The following NRK variants were observed in gnomAD, a reference collection of about 807,000 sequenced individuals.
NRK encodes the protein nik-related protein kinase.
A neutral mutation model predicts 125.2 loss-of-function variants in NRK; 67 were observed. The ratio of observed to expected loss-of-function variants is 0.54; its 90% confidence interval spans 0.44 to 0.66. NRK has a LOEUF of 0.66. Ranked by LOEUF, NRK falls within the 30% of genes least tolerant of loss-of-function variation. NRK has a pLI of 0.00. For synonymous variants in NRK, 458 were observed against 429.0 expected, an observed-to-expected ratio of 1.07 and a Z score of -0.84; for missense variants, 1,224 against 1,192.9, an observed-to-expected ratio of 1.03 and a Z score of -0.38.
Position 105,909,046 on chromosome X carries a change from C to G in NRK, c.1405C>G (p.Pro469Ala), listed in dbSNP as rs765291622. The G allele has an allele frequency of 5.8e-6, 7 of 1,209,229 alleles. No homozygotes were observed. The highest frequency in any genetic ancestry group is 7.8e-6 in the Non-Finnish European group (7 of 894,825). ...TCTACAAATGCAGATTAAGGCACCTCCACGACTACGGAGGGCAGCCAGGGT... is the reference window on the plus strand; with the variant it reads ...TCTACAAATGCAGATTAAGGCACCTGCACGACTACGGAGGGCAGCCAGGGT... ...KPLQMQIKAP[P>A]RLRRAARVLM... Residue 469 changes from proline to alanine, a missense_variant, in exon 13 of 29, where the codon CCA becomes GCA. Coordinates refer to ENST00000243300, the MANE Select transcript of NRK (RefSeq NM_198465.4).
In NRK at chrX:105,888,439, G is replaced by T. The variant is rs962758453; in HGVS notation, c.378+20G>T. The T allele has an allele frequency of 1.7e-6, 2 of 1,145,086 alleles. No individual in the cohort carries two copies. The highest frequency in any genetic ancestry group is 2.3e-6 in the Non-Finnish European group (2 of 855,309). 94.4% of individuals were successfully genotyped at this position (1,145,086 alleles called of 1,213,427 possible). The stretch of plus-strand genomic sequence containing the variant: ...CTTTGGGTATGTTTTTAATTACACT[G>T]TTCTTATTCTATAAGAATAAGTTTT... On this transcript the variant is annotated intron_variant, in intron 5 of 28. Coordinates refer to ENST00000243300, the MANE Select transcript of NRK (RefSeq NM_198465.4).
At position 105,957,994 on chromosome X, in the gene NRK, A is replaced by AG. The variant is rs1228716646; in HGVS notation, c.*2400dup. On this transcript the variant is annotated 3_prime_UTR_variant, in exon 29 of 29. Transcript: ENST00000243300. ...GCCCCAGCCCGTCACAGAAGTGTGG[A>AG]GGGGGGCTCCTGACTAGACAATTTC... 8.9e-6 allele frequency: 1 copy of AG among 112,218 alleles called. No individual in the cohort carries two copies. The highest frequency in any genetic ancestry group is 1.9e-5 in the Non-Finnish European group (1 of 53,270). The allele number at this position is 112,218 out of a possible 1,213,427, so 9.2% of individuals were successfully genotyped here. A position where few individuals can be genotyped will look rare whatever the true frequency, so the allele number is the denominator to read the frequency against.
In NRK at chrX:105,924,792, A is replaced by C. The variant is rs753915179; in HGVS notation, c.3073A>C (p.Asn1025His). 1 of 1,209,920 alleles carries C rather than the reference A, an allele frequency of 8.3e-7. No individual in the cohort carries two copies. The highest frequency in any genetic ancestry group is 3.0e-5 in the East Asian group (1 of 33,745). The part of the protein sequence containing the change: ...AYRGYGSHTA[N>H]RSHGGSAASE... ...CAGAGGCTATGGAAGCCATACAGCC[A>C]ATAGAAGCCATGGAGGAAGTGCAGC... The change falls in exon 19 of 29, where the codon AAT becomes CAT. Residue 1025 changes from asparagine to histidine, a missense_variant. By Grantham distance (68) the Asn-to-His change is moderately conservative. Transcript: ENST00000243300.
At chrX:105,856,836 A>C (rs1025875056) in intron 2 of NRK, among the ~76,000 whole-genome samples, 2 of 111,490 alleles carry the variant, frequency 1.8e-5, no homozygotes, top group Admixed American at 1.9e-4. Context: ...AAAACATGGG[A>C]TCTGGGGTCA....
In NRK at chrX:105,898,609, G is replaced by A. The variant is rs1210470102; in HGVS notation, c.606G>A (p.Val202=). 1.7e-6 allele frequency: 2 copies of A among 1,198,233 alleles called. No individual in the cohort carries two copies. The highest frequency in any genetic ancestry group is 2.3e-6 in the Non-Finnish European group (2 of 887,790). Residue 202 remains valine (V), a synonymous_variant, in exon 8 of 29, where the codon GTG becomes GTA. Transcript: ENST00000243300. The stretch of plus-strand genomic sequence containing the variant: ...TTGATTTTGGAGTGAGTGCCCAGGT[G>A]AGCAGAACTAATGGAAGAAGGAATA... ...KLVDFGVSAQ[V]SRTNGRRNSF... is the part of the protein sequence containing the mutation.
chrX:105,899,114 A>G (rs990324955), intron 8 of NRK, among the ~76,000 whole-genome samples: 2 of 112,242 alleles, frequency 1.8e-5, no homozygotes, highest in Non-Finnish European at 3.8e-5. Context: ...AGCTCCAGAA[A>G]AGACAAAAAA....
intron 2 of NRK, among the ~76,000 whole-genome samples, chrX:105,834,350 T>TA (rs1180915773): frequency 1.8e-5 from 2 of 111,655 alleles, no homozygotes; most frequent in Non-Finnish European, 3.8e-5. Context: ...CTGTAATTCT[T>TA]ACCTTTGCTC....
At chrX:105,922,419 A>G (rs545666391) in intron 17 of NRK, among the ~76,000 whole-genome samples, 1 of 112,058 alleles carries the variant, frequency 8.9e-6, no homozygotes, top group South Asian at 3.7e-4. Flanking sequence ...GAGGCAATGC[A>G]TAAATATAAA....
At position 105,909,875 on chromosome X, in the gene NRK, T is replaced by C. The variant is rs2040276030; in HGVS notation, c.2234T>C (p.Val745Ala). The C allele has an allele frequency of 8.9e-7, 1 of 1,124,815 alleles. No individual in the cohort carries two copies. Among genetic ancestry groups the C allele is most frequent in the Non-Finnish European group, 1.2e-6 (1 of 849,880 alleles). 92.7% of individuals were successfully genotyped at this position (1,124,815 alleles called of 1,213,427 possible). ...FNQHEEELRQ[V>A]DKDKEDESSD... ...CAGCATGAGGAAGAATTGAGACAAG[T>C]TGATAAAGTAAGAATTTTTGATATT... Residue 745 changes from valine to alanine, a missense_variant, in exon 13 of 29, where the codon GTT becomes GCT. Val to Ala is a moderately conservative substitution (Grantham distance 64). Transcript: ENST00000243300.
chrX:105,904,701 T>C (rs1450886004), intron 9 of NRK, among the ~76,000 whole-genome samples: 1 of 111,562 alleles, frequency 9.0e-6, no homozygotes, highest in Non-Finnish European at 1.9e-5. Flanking sequence ...ATTTGCCCAG[T>C]CACAAAGGTA....
intron 19 of NRK, among the ~76,000 whole-genome samples, chrX:105,925,429 T>A (rs960277006): frequency 4.5e-5 from 5 of 111,598 alleles, no homozygotes; most frequent in Non-Finnish European, 9.4e-5. Flanking sequence ...CCTCAAACAT[T>A]CATCATTTTT....
intron 16 of NRK, among the ~76,000 whole-genome samples, chrX:105,918,866 T>C (rs1299825531): frequency 2.7e-5 from 3 of 109,438 alleles, no homozygotes; most frequent in African/African-American, 9.9e-5. Context: ...TTTGATATTC[T>C]CATGAAATTA....
At chrX:105,911,862 T>G (rs2040306513) in intron 13 of NRK, among the ~76,000 whole-genome samples, 1 of 111,928 alleles carries the variant, frequency 8.9e-6, no homozygotes. Context: ...ATTTATTGTT[T>G]TAAACATATA....
chrX:105,904,678 G>A (rs938791762), intron 9 of NRK, among the ~76,000 whole-genome samples: 3 of 111,650 alleles, frequency 2.7e-5, no homozygotes, highest in Admixed American at 9.5e-5. Flanking sequence ...CCAAGATACA[G>A]ATAGGCTAGG....
Position 105,956,695 on chromosome X carries a change from A to G in NRK, c.*1095A>G, listed in dbSNP as rs1025216664. 5 of 112,243 alleles carry G rather than the reference A, an allele frequency of 4.5e-5. No homozygotes were observed. Among genetic ancestry groups the G allele is most frequent in the African/African-American group, 1.6e-4 (5 of 30,920 alleles). 9.3% of individuals were successfully genotyped at this position (112,243 alleles called of 1,213,427 possible). A position where few individuals can be genotyped will look rare whatever the true frequency, so the allele number is the denominator to read the frequency against. On this transcript the variant is annotated 3_prime_UTR_variant, in exon 29 of 29. Coordinates refer to ENST00000243300, the MANE Select transcript of NRK (RefSeq NM_198465.4). Reference sequence around the variant, plus strand: ...ACGACTTAATGTTAAAGGTTAAAAAAAAGATTTCACAAAATATACAACTTT... The same window carrying G: ...ACGACTTAATGTTAAAGGTTAAAAAGAAGATTTCACAAAATATACAACTTT...
chrX:105,906,482 C>A lies in NRK; in HGVS notation c.914C>A (p.Ala305Glu), dbSNP rs1456333688. 1 of 1,162,887 alleles carries A rather than the reference C, an allele frequency of 8.6e-7. No individual in the cohort carries two copies. Among genetic ancestry groups the A allele is most frequent in the Non-Finnish European group, 1.2e-6 (1 of 861,349 alleles). The change falls in exon 11 of 29, where the codon GCA becomes GAA. Residue 305 changes from alanine to glutamate, a missense_variant. Ala to Glu is a moderately radical substitution (Grantham distance 107). Coordinates refer to ENST00000243300, the MANE Select transcript of NRK (RefSeq NM_198465.4). ...AATTTCCTGTTTCGTCCTACTTCTG[C>A]AAACATGCTTCAACACCCATTTGTT... ...IKNFLFRPTS[A>E]NMLQHPFVRD...
chrX:105,848,086 C>G lies in NRK; in HGVS notation c.123+16967C>G, dbSNP rs1347488779. Among the ~76,000 whole-genome samples the G allele has an allele frequency of 2.7e-5, 3 of 111,992 alleles. No homozygotes were observed. The East Asian group carries it at 8.4e-4, about 31-fold the overall frequency. On this transcript the variant is annotated intron_variant, in intron 2 of 28. Transcript: ENST00000243300. ...AATACAAAGTTTATTTTAATATTCA[C>G]TACTCTGAAGCTGAGGCAGATGAGG...
chrX:105,884,972 G>T (rs1448987609), intron 4 of NRK, among the ~76,000 whole-genome samples: 1 of 110,782 alleles, frequency 9.0e-6, no homozygotes, highest in African/African-American at 3.3e-5. Context: ...TGTACTTTTA[G>T]TAGAGATGGG....
At chrX:105,929,031 T>C (rs1227466607) in intron 19 of NRK, among the ~76,000 whole-genome samples, 1 of 111,799 alleles carries the variant, frequency 8.9e-6, no homozygotes, top group Non-Finnish European at 1.9e-5. Flanking sequence ...ATCCAATGTT[T>C]CTTTGTTGAT....
Sources: allele counts gnomAD v4.1 joint callset (sites outside exome capture counted in the v4.1 genomes callset), GRCh38; gene constraint gnomAD v4.1.1; transcripts MANE v1.5; gene names NCBI Gene and HGNC (gene_info 2026-07-23, HGNC 2026-07-21).